TRAM2: variants seen among roughly 807,000 people sequenced by gnomAD.
The protein encoded by TRAM2 is translocating chain-associated membrane protein 2.
TRAM2 carries 12 observed loss-of-function variants against 51.0 expected under a neutral mutation model. That is an observed-to-expected ratio of 0.24 (90% CI 0.15 to 0.38). The LOEUF (loss-of-function observed/expected upper bound fraction) is 0.38, where lower values mean the gene tolerates loss of function less well. Ranked by LOEUF, TRAM2 falls within the 10% of genes least tolerant of loss-of-function variation. The pLI is 1.00. For missense variants in TRAM2, 361 were observed against 462.0 expected, an observed-to-expected ratio of 0.78 and a Z score of 2.00; for synonymous variants, 175 against 179.4, an observed-to-expected ratio of 0.98 and a Z score of 0.20.
rs1427858657 is a variant in TRAM2, at chr6:52,504,774, G to C, written c.876-20C>G. ...CAGAGCCTGCAGAGCAGGGGGTTAG[G>C]GGCTTAGGCTGGGGCTTGGGCTCAC... is the stretch of plus-strand genomic sequence containing the variant. On this transcript the variant is annotated intron_variant, in intron 9 of 10. Transcript: ENST00000182527. 1 of 1,582,678 alleles carries C rather than the reference G, an allele frequency of 6.3e-7. No homozygotes were observed. The highest frequency in any genetic ancestry group is 8.6e-7 in the Non-Finnish European group (1 of 1,167,804).
intron 1 of TRAM2, among the ~76,000 whole-genome samples, chr6:52,575,097 A>C (rs1437810418): frequency 6.6e-6 from 1 of 152,272 alleles, no homozygotes; most frequent in African/African-American, 2.4e-5. Flanking sequence ...TTGTTAAGCT[A>C]TTATTATGAT....
chr6:52,560,940 C>T (rs1767487906), intron 1 of TRAM2, among the ~76,000 whole-genome samples: 1 of 152,220 alleles, frequency 6.6e-6, no homozygotes, highest in South Asian at 2.1e-4. Context: ...CAAAAACTTG[C>T]ACACGCGTGT....
rs1356013023 is a variant in TRAM2, at chr6:52,503,119, G to A, written c.*78C>T. On this transcript the variant is annotated 3_prime_UTR_variant, in exon 11 of 11. Coordinates refer to ENST00000182527, the MANE Select transcript of TRAM2 (RefSeq NM_012288.4). ...ACGGAGCATCACAGGCAGGAAGGAGGAGGCAGGGAGGGGGCCTGGGCTCCT... is the reference window on the plus strand; with the variant it reads ...ACGGAGCATCACAGGCAGGAAGGAGAAGGCAGGGAGGGGGCCTGGGCTCCT... 5.8e-6 allele frequency: 7 copies of A among 1,203,896 alleles called. No individual in the cohort carries two copies. The highest frequency in any genetic ancestry group is 7.4e-6 in the Non-Finnish European group (6 of 807,872). 74.6% of individuals were successfully genotyped at this position (1,203,896 alleles called of 1,614,324 possible).
intron 1 of TRAM2, among the ~76,000 whole-genome samples, chr6:52,545,326 G>A (rs1274698683): frequency 6.6e-6 from 1 of 152,208 alleles, no homozygotes; most frequent in Non-Finnish European, 1.5e-5. Flanking sequence ...GGTCCAGGAG[G>A]CCAGGTGTCC....
intron 1 of TRAM2, among the ~76,000 whole-genome samples, chr6:52,554,459 G>A (rs1767365631): frequency 6.8e-6 from 1 of 146,470 alleles, no homozygotes; most frequent in Non-Finnish European, 1.5e-5. Context: ...GGCAGAGGTT[G>A]CAGTGAGCAG....
intron 10 of TRAM2, among the ~76,000 whole-genome samples, chr6:52,503,740 T>C (rs1766285832): frequency 6.6e-6 from 1 of 152,148 alleles, no homozygotes; most frequent in African/African-American, 2.4e-5. Flanking sequence ...GACAAGAGGC[T>C]GTAGGAACAA....
intron 1 of TRAM2, among the ~76,000 whole-genome samples, chr6:52,555,264 C>A (rs1482775847): frequency 2.0e-5 from 3 of 151,406 alleles, no homozygotes; most frequent in Non-Finnish European, 4.4e-5. Flanking sequence ...CACCCTCCAC[C>A]TGTGCCCTGG....
chr6:52,568,076 G>GAGCCCC (rs1229385973), intron 1 of TRAM2, among the ~76,000 whole-genome samples: 1 of 152,204 alleles, frequency 6.6e-6, no homozygotes, highest in Non-Finnish European at 1.5e-5. Context: ...TGAAGCAGGT[G>GAGCCCC]AGCCCCAGAG....
intron 1 of TRAM2, among the ~76,000 whole-genome samples, chr6:52,539,768 G>T (rs1442941138): frequency 1.3e-5 from 2 of 152,172 alleles, no homozygotes; most frequent in East Asian, 3.9e-4. Context: ...CTAAGCAGGA[G>T]AGAGTCGGTG....
At chr6:52,575,089 G>A (rs940814563) in intron 1 of TRAM2, among the ~76,000 whole-genome samples, 2 of 152,214 alleles carry the variant, frequency 1.3e-5, no homozygotes, top group Non-Finnish European at 2.9e-5. Context: ...CTGTTATTTT[G>A]TTAAGCTATT....
At chr6:52,570,798 C>CT (rs368081919) in intron 1 of TRAM2, among the ~76,000 whole-genome samples, 6 of 114,588 alleles carry the variant, frequency 5.2e-5, no homozygotes, top group Non-Finnish European at 1.1e-4. Flanking sequence ...GCCCACCACC[C>CT]CCCCCCCCAC....
intron 5 of TRAM2, 36 bp from the exon 6 acceptor site, chr6:52,508,354 G>T: frequency 6.3e-7 from 1 of 1,599,542 alleles, no homozygotes; most frequent in South Asian, 1.1e-5. Context: ...GGGCAGGATA[G>T]AGAAAAGTGT....
At chr6:52,534,425 G>T (rs1399850385) in intron 2 of TRAM2, among the ~76,000 whole-genome samples, 1 of 152,160 alleles carries the variant, frequency 6.6e-6, no homozygotes, top group Admixed American at 6.5e-5. Flanking sequence ...AAAGAGGAAA[G>T]AACTAGGTTC....
At chr6:52,513,138 T>A (rs940162933) in intron 4 of TRAM2, among the ~76,000 whole-genome samples, 2 of 152,134 alleles carry the variant, frequency 1.3e-5, no homozygotes, top group Non-Finnish European at 2.9e-5. Context: ...CCAGCCACAC[T>A]CCCACTGCTC....
chr6:52,568,104 T>C (rs1380289878), intron 1 of TRAM2, among the ~76,000 whole-genome samples: 2 of 152,218 alleles, frequency 1.3e-5, no homozygotes, highest in African/African-American at 2.4e-5. Context: ...GGGCCTTGCA[T>C]GGGCCACAAG....
chr6:52,519,467 A>C (rs748862724), intron 2 of TRAM2, among the ~76,000 whole-genome samples: 2 of 152,250 alleles, frequency 1.3e-5, no homozygotes, highest in Non-Finnish European at 2.9e-5. Context: ...TGAGGAAAAA[A>C]CAAACAAGCA....
intron 1 of TRAM2, among the ~76,000 whole-genome samples, chr6:52,563,909 A>AG (rs1446106590): frequency 6.6e-6 from 1 of 151,362 alleles, no homozygotes; most frequent in Non-Finnish European, 1.5e-5. Flanking sequence ...CCAAAAAAAA[A>AG]AAATTTAAGC....
chr6:52,554,262 C>A (rs1413411737), intron 1 of TRAM2, among the ~76,000 whole-genome samples: 1 of 152,122 alleles, frequency 6.6e-6, no homozygotes, highest in African/African-American at 2.4e-5. Flanking sequence ...CGGTGACTCC[C>A]ACCTCTAATC....
At chr6:52,508,093 T>C (rs1766381769) in intron 6 of TRAM2, 141 bp downstream of exon 6, 1 of 732,376 alleles carries the variant, frequency 1.4e-6, no homozygotes, top group Non-Finnish European at 2.2e-6. Context: ...TGACTCAGCA[T>C]GTTGCTCAAT....
Sources: gnomAD v4.1 joint callset for allele counts (sites outside exome capture counted in the v4.1 genomes callset) on GRCh38, gnomAD v4.1.1 for gene constraint, MANE v1.5 for transcripts, NCBI Gene and HGNC (gene_info 2026-07-23, HGNC 2026-07-21) for gene names.